The following SLC4A10 variants were observed in gnomAD, a reference collection of about 807,000 sequenced individuals.
SLC4A10 encodes solute carrier family 4 member 10, also known as sodium-driven chloride bicarbonate exchanger.
In SLC4A10, 42 loss-of-function variants were observed where a neutral mutation model predicts 137.7. That is an observed-to-expected ratio of 0.30 (90% confidence interval 0.24 to 0.39). The LOEUF (loss-of-function observed/expected upper bound fraction) is 0.39. Ranked by LOEUF, SLC4A10 falls within the 10% of genes least tolerant of loss-of-function variation. The pLI, the probability that SLC4A10 is intolerant of heterozygous loss-of-function variation, is 1.00. For synonymous variants in SLC4A10, 474 were observed against 464.1 expected, an observed-to-expected ratio of 1.02 and a Z score of -0.27; for missense variants, 925 against 1,355.0, an observed-to-expected ratio of 0.68 and a Z score of 4.98.
chr2:161,838,136 T>C (rs1408281431), intron 3 of SLC4A10, among the ~76,000 whole-genome samples: 2 of 152,148 alleles, frequency 1.3e-5, no homozygotes, highest in Non-Finnish European at 2.9e-5. Flanking sequence ...TTTTAGAAAG[T>C]CCAGAAAAAC....
rs1256533032 is a variant in SLC4A10 at position 161,942,831 on chromosome 2, A to G, written c.2037A>G (p.Thr679=). ...AACCGCATAATCCCAGCAATGGCAC[A>G]TTGAAGGAATGGAGGGAATCCAATA... The part of the protein sequence containing the change: ...CVEPHNPSNG[T]LKEWRESNIS... Residue 679 remains threonine (T), a synonymous_variant, in exon 16 of 27, where the codon ACA becomes ACG. Coordinates refer to ENST00000446997, the MANE Select transcript of SLC4A10 (RefSeq NM_001178015.2). 4 of 1,606,282 alleles carry G rather than the reference A, an allele frequency of 2.5e-6. No individual in the cohort carries two copies. The highest frequency in any genetic ancestry group is 2.2e-5 in the East Asian group (1 of 44,678).
chr2:161,872,509 G>A (rs2061193089), intron 7 of SLC4A10, 125 bp downstream of exon 7: 3 of 493,296 alleles, frequency 6.1e-6, no homozygotes, highest in Non-Finnish European at 1.0e-5. Context: ...GCTTGATATT[G>A]TTACAGAAAA....
chr2:161,918,086 A>T lies in SLC4A10; in HGVS notation c.1997+12199A>T, dbSNP rs1202214702. Among the ~76,000 whole-genome samples, 2 of 152,184 alleles carry T rather than the reference A, an allele frequency of 1.3e-5. 1 individual carries two copies. Among genetic ancestry groups the T allele is most frequent in the East Asian group, 3.8e-4 (2 of 5,200 alleles). ...TGATTAATACTTAGATTATAGGAGA[A>T]TTTGCATACATTATTATTTTACTTA... On this transcript the variant is annotated intron_variant, in intron 15 of 26. Coordinates refer to ENST00000446997, the MANE Select transcript of SLC4A10 (RefSeq NM_001178015.2).
chr2:161,863,042 C>G lies in SLC4A10; in HGVS notation c.746C>G (p.Pro249Arg). 1 of 1,613,736 alleles carries G rather than the reference C, an allele frequency of 6.2e-7. No individual in the cohort carries two copies. The highest frequency in any genetic ancestry group is 8.5e-7 in the Non-Finnish European group (1 of 1,179,732). Residue 249 changes from proline (P) to arginine (R), a missense_variant, in exon 6 of 27, where the codon CCA becomes CGA. Pro to Arg is a moderately radical substitution (Grantham distance 103). Around this residue, in one of 11 missense-constraint regions of SLC4A10, gnomAD observed 277 missense variants for 306.1 expected, o/e 0.90. Coordinates refer to ENST00000446997, the MANE Select transcript of SLC4A10 (RefSeq NM_001178015.2). The part of the protein sequence containing the change: ...FADIGKKQSE[P>R]NSMDKNAGQV... ...GATATTGGCAAGAAACAGTCAGAAC[C>G]AAATTCCATGGACAAAAATGGTAAA...
chr2:161,648,232 C>T (rs1259811053), intron 1 of SLC4A10, among the ~76,000 whole-genome samples: 1 of 151,590 alleles, frequency 6.6e-6, no homozygotes, highest in Non-Finnish European at 1.5e-5. Context: ...TGTGAAATGG[C>T]AGCATTCTCT....
intron 1 of SLC4A10, among the ~76,000 whole-genome samples, chr2:161,683,403 G>C (rs1031768040): frequency 4.6e-5 from 7 of 152,158 alleles, no homozygotes; most frequent in African/African-American, 1.4e-4. Flanking sequence ...GTTGCAGAGA[G>C]GGTATTTAGG....
intron 17 of SLC4A10, 49 bp from the exon 18 acceptor site, chr2:161,949,099 C>A: frequency 8.2e-7 from 1 of 1,217,878 alleles, no homozygotes; most frequent in Non-Finnish European, 1.2e-6. Flanking sequence ...CTGAGTATTC[C>A]TTGATATTTA....
intron 15 of SLC4A10, among the ~76,000 whole-genome samples, chr2:161,906,708 C>A (rs940964233): frequency 2.6e-5 from 4 of 152,092 alleles, no homozygotes; most frequent in Admixed American, 6.6e-5. Context: ...TGGCCTTGAA[C>A]CCTTTTAATA....
intron 15 of SLC4A10, among the ~76,000 whole-genome samples, chr2:161,928,462 T>C (rs1453433086): frequency 6.6e-6 from 1 of 150,954 alleles, no homozygotes; most frequent in Non-Finnish European, 1.5e-5. Context: ...GCATGGCACA[T>C]GTATACATAT....
At chr2:161,862,319 A>G (rs62188761) in intron 5 of SLC4A10, among the ~76,000 whole-genome samples, 9,233 of 152,152 alleles carry the variant, frequency 0.061, 370 homozygotes, top group East Asian at 0.13. Flanking sequence ...TTCAGTAACT[A>G]TATCACTTCA....
rs541508318 is a variant in SLC4A10 at position 161,719,813 on chromosome 2, G to A, written c.49-51160G>A. On this transcript the variant is annotated intron_variant, in intron 1 of 26. Coordinates refer to ENST00000446997, the MANE Select transcript of SLC4A10 (RefSeq NM_001178015.2). The stretch of plus-strand genomic sequence containing the variant: ...ATATTAGCCCTTTGTCAGATGAGTA[G>A]GTTGCGAAAATTTTCTCCCATTTTG... Among the ~76,000 whole-genome samples, 175 of 152,078 alleles carry A rather than the reference G, an allele frequency of 1.2e-3. 2 individuals carry two copies. In the South Asian group the frequency reaches 0.02, roughly 17 times the overall value.
intron 1 of SLC4A10, among the ~76,000 whole-genome samples, chr2:161,716,946 G>A (rs545266170): frequency 1.2e-4 from 19 of 152,012 alleles, no homozygotes; most frequent in African/African-American, 3.6e-4. Flanking sequence ...ATTGTTTTTC[G>A]ATTTGTTTGA....
intron 4 of SLC4A10, among the ~76,000 whole-genome samples, chr2:161,843,540 A>G (rs969821736): frequency 2.0e-5 from 3 of 152,222 alleles, no homozygotes; most frequent in African/African-American, 7.2e-5. Flanking sequence ...GGGTAGATGA[A>G]TTTTAACAGA....
chr2:161,814,761 C>T (rs1193381599), intron 3 of SLC4A10, among the ~76,000 whole-genome samples: 1 of 151,926 alleles, frequency 6.6e-6, no homozygotes, highest in East Asian at 1.9e-4. Context: ...CACTGGAAAC[C>T]ACCAGAGAGG....
intron 1 of SLC4A10, among the ~76,000 whole-genome samples, chr2:161,718,904 G>A (rs984828940): frequency 6.6e-6 from 1 of 151,374 alleles, no homozygotes; most frequent in Non-Finnish European, 1.5e-5. Context: ...ATCTCCCACT[G>A]TTTTTTTTAT....
chr2:161,918,877 G>A (rs751835595), intron 15 of SLC4A10, among the ~76,000 whole-genome samples: 21 of 152,150 alleles, frequency 1.4e-4, no homozygotes, highest in African/African-American at 2.9e-4. Flanking sequence ...TGGAAGCCCC[G>A]CGCCTTCTGA....
chr2:161,923,061 A>C (rs1575657219), intron 15 of SLC4A10, among the ~76,000 whole-genome samples: 1 of 152,224 alleles, frequency 6.6e-6, no homozygotes, highest in Non-Finnish European at 1.5e-5. Context: ...TTTCCAGAAG[A>C]CAGCCGCAGG....
At chr2:161,874,512 T>C (rs2061344104) in intron 8 of SLC4A10, among the ~76,000 whole-genome samples, 1 of 152,246 alleles carries the variant, frequency 6.6e-6, no homozygotes, top group Admixed American at 6.5e-5. Flanking sequence ...TCTCATCTTC[T>C]GGTCCCCCCT....
intron 1 of SLC4A10, among the ~76,000 whole-genome samples, chr2:161,763,312 T>C (rs1347300368): frequency 6.6e-6 from 1 of 152,112 alleles, no homozygotes; most frequent in South Asian, 2.1e-4. Context: ...CATGGAGTTT[T>C]AGTCATTAAA....
Sources: gnomAD v4.1 joint callset for allele counts (sites outside exome capture counted in the v4.1 genomes callset) on GRCh38, gnomAD v4.1.1 for gene constraint, gnomAD v4.1.1 regional missense constraint, MANE v1.5 for transcripts, NCBI Gene and HGNC (gene_info 2026-07-23, HGNC 2026-07-21) for gene names.